Variants in USP9X observed in about 807,000 individuals in gnomAD.
The protein encoded by USP9X is ubiquitin specific peptidase 9 X-linked.
Under a neutral mutation model 190.3 loss-of-function variants are expected in USP9X, and 7 were observed. The observed-to-expected ratio is 0.04, with a 90% CI of 0.02 to 0.07. The LOEUF (loss-of-function observed/expected upper bound fraction) is 0.07, where lower values mean the gene tolerates loss of function less well. USP9X is among the 10% of genes least tolerant of loss of function. The pLI, the probability that USP9X is intolerant of heterozygous loss-of-function variation, is 1.00. For synonymous variants in USP9X, 645 were observed against 659.5 expected (o/e 0.98, Z 0.34); for missense variants, 1,010 against 1,916.9 (o/e 0.53, Z 8.83).
rs1038323425 is a variant in USP9X at position 41,184,372 on chromosome X, C to T, written c.3280-25C>T. 9 of 1,190,190 alleles carry T rather than the reference C, an allele frequency of 7.6e-6. No homozygotes were observed. In the African/African-American group the frequency reaches 1.2e-4, roughly 16 times the overall value. ...TTTTTAAATCTTTTAATACAGCCCT[C>T]TCCCCCTCTTCTCTATTTTTCCAGG... On this transcript the variant is annotated intron_variant, in intron 22 of 44. Transcript: ENST00000378308.
chrX:41,216,791 C>T (rs2063216072), intron 35 of USP9X, 139 bp downstream of exon 35: 1 of 757,551 alleles, frequency 1.3e-6, no homozygotes, highest in African/African-American at 2.1e-5. Flanking sequence ...GCCTGTAATC[C>T]CAGCACTTTG....
At chrX:41,207,779 C>T (rs1727856834) in intron 32 of USP9X, among the ~76,000 whole-genome samples, 1 of 110,859 alleles carries the variant, frequency 9.0e-6, no homozygotes, top group South Asian at 3.8e-4. Context: ...TCTGACAAAG[C>T]AGTATAAATT....
chrX:41,131,446 A>G lies in USP9X; in HGVS notation c.243-11A>G, dbSNP rs748065418. ...ACCATTAAGCATGTTTTTGTTTGGT[A>G]AAACTTTTAGGCCTCGATGGGTGGT... On this transcript the variant is annotated splice_polypyrimidine_tract_variant and intron_variant, in intron 3 of 44. Coordinates refer to ENST00000378308, the MANE Select transcript of USP9X (RefSeq NM_001039591.3). The G allele has an allele frequency of 8.3e-7, 1 of 1,203,989 alleles. No individual in the cohort carries two copies. Among genetic ancestry groups the G allele is most frequent in the Non-Finnish European group, 1.1e-6 (1 of 891,761 alleles).
At chrX:41,170,257 A>C in intron 19 of USP9X, 22 bp downstream of exon 19, 3 of 1,188,214 alleles carry the variant, frequency 2.5e-6, no homozygotes, top group Non-Finnish European at 3.4e-6. Flanking sequence ...TAGTTAACAG[A>C]TTTTTCAATA....
intron 34 of USP9X, among the ~76,000 whole-genome samples, 189 bp downstream of exon 34, chrX:41,214,898 A>G (rs1187623811): frequency 1.8e-5 from 2 of 112,358 alleles, no homozygotes; most frequent in Non-Finnish European, 3.8e-5. Context: ...AGTAGTGCCA[A>G]AGGGGCTAGG....
intron 19 of USP9X, 35 bp downstream of exon 19, chrX:41,170,270 A>G: frequency 8.5e-7 from 1 of 1,174,060 alleles, no homozygotes; most frequent in Non-Finnish European, 1.2e-6. Flanking sequence ...TTTCAATAAA[A>G]TCAAACCAGA....
intron 1 of USP9X, among the ~76,000 whole-genome samples, chrX:41,087,930 G>T (rs898903246): frequency 1.8e-5 from 2 of 112,114 alleles, no homozygotes; most frequent in African/African-American, 6.5e-5. Context: ...TTGAAGGGCA[G>T]ATTTTACCTT....
chrX:41,154,584 G>T (rs1208426372), intron 14 of USP9X, among the ~76,000 whole-genome samples: 1 of 111,635 alleles, frequency 9.0e-6, no homozygotes, highest in African/African-American at 3.3e-5. Context: ...TTGAGTTACC[G>T]CCTCATCTCA....
chrX:41,099,367 A>C (rs144173505), intron 1 of USP9X, among the ~76,000 whole-genome samples: 6 of 110,731 alleles, frequency 5.4e-5, no homozygotes, highest in African/African-American at 2.0e-4. Flanking sequence ...TATAGGATAC[A>C]TATGTGTTTA....
At chrX:41,230,805 C>T (rs975896798) in intron 44 of USP9X, among the ~76,000 whole-genome samples, 1 of 111,398 alleles carries the variant, frequency 9.0e-6, no homozygotes, top group Non-Finnish European at 1.9e-5. Flanking sequence ...TTTTCCTTGT[C>T]AAGAAGGTGT....
At chrX:41,108,847 T>C (rs920426612) in intron 1 of USP9X, among the ~76,000 whole-genome samples, 2 of 111,461 alleles carry the variant, frequency 1.8e-5, no homozygotes, top group Non-Finnish European at 3.8e-5. Context: ...CACGCTTTTC[T>C]TGACTTGCTG....
intron 32 of USP9X, among the ~76,000 whole-genome samples, chrX:41,207,365 G>A (rs1349051067): frequency 9.0e-6 from 1 of 111,039 alleles, no homozygotes; most frequent in Admixed American, 9.6e-5. Flanking sequence ...GATTACAGGC[G>A]TGAGCCACTG....
intron 20 of USP9X, 95 bp from the exon 21 acceptor site, chrX:41,171,743 A>G: frequency 9.9e-7 from 1 of 1,007,590 alleles, no homozygotes; most frequent in South Asian, 2.0e-5. Context: ...TCATAAGTAA[A>G]AGTATAGGGA....
At position 41,149,636 on chromosome X, in the gene USP9X, A is replaced by T. The variant is rs1468597563; in HGVS notation, c.1626+1061A>T. 2.7e-5 allele frequency among the ~76,000 whole-genome samples: 3 copies of T among 110,688 alleles called. No homozygotes were observed. The East Asian group carries it at 8.5e-4, about 31-fold the overall frequency. On this transcript the variant is annotated intron_variant, in intron 12 of 44. Coordinates refer to ENST00000378308, the MANE Select transcript of USP9X (RefSeq NM_001039591.3). ...TTCTTCTCGGAAATAGTGAAAAAGGATACAAAGAGGTACCCACAAGGACAT... is the reference window on the plus strand; with the variant it reads ...TTCTTCTCGGAAATAGTGAAAAAGGTTACAAAGAGGTACCCACAAGGACAT...
chrX:41,201,113 C>A lies in USP9X; in HGVS notation c.4657C>A (p.Pro1553Thr), dbSNP rs375616476. 6 of 1,209,884 alleles carry A rather than the reference C, an allele frequency of 5.0e-6. No homozygotes were observed. Among genetic ancestry groups the A allele is most frequent in the Non-Finnish European group, 6.7e-6 (6 of 895,297 alleles). The change falls in exon 31 of 45, where the codon CCC (proline) becomes ACC (threonine). Residue 1553 changes from proline (P) to threonine (T), a missense_variant. Pro to Thr is a conservative substitution (Grantham distance 38). Around this residue, in one of 11 missense-constraint regions of USP9X, gnomAD observed 120 missense variants for 342.7 expected, o/e 0.35. Coordinates refer to ENST00000378308, the MANE Select transcript of USP9X (RefSeq NM_001039591.3). ...TCTGCCACCTGTTGGACCCCGCCCA[C>A]CCAAAGGATTCGTGGGGCTGAAAAA... ...EYLPPVGPRP[P>T]KGFVGLKNAG...
chrX:41,132,455 C>G (rs188980143), intron 4 of USP9X, among the ~76,000 whole-genome samples: 1 of 109,591 alleles, frequency 9.1e-6, no homozygotes, highest in East Asian at 2.8e-4. Context: ...AGGCGCCCAC[C>G]ACCATGCCCG....
At chrX:41,171,344 T>C (rs1291753853) in intron 20 of USP9X, among the ~76,000 whole-genome samples, 2 of 111,619 alleles carry the variant, frequency 1.8e-5, no homozygotes, top group African/African-American at 3.3e-5. Context: ...TCTAAAAATA[T>C]AAATAAATGA....
intron 26 of USP9X, among the ~76,000 whole-genome samples, chrX:41,193,392 G>A (rs1200367441): frequency 1.8e-5 from 2 of 111,957 alleles, no homozygotes; most frequent in South Asian, 3.7e-4. Context: ...GCATGCAGTG[G>A]TGGCTCATGG....
intron 32 of USP9X, among the ~76,000 whole-genome samples, chrX:41,208,635 A>G (rs983414648): frequency 9.0e-6 from 1 of 110,939 alleles, no homozygotes. Flanking sequence ...ACATTTTGCC[A>G]TATTTGCTTA....
Sources: allele counts gnomAD v4.1 joint callset (sites outside exome capture counted in the v4.1 genomes callset), GRCh38; gene constraint gnomAD v4.1.1; regional missense constraint gnomAD v4.1.1; transcripts MANE v1.5; gene names NCBI Gene and HGNC (gene_info 2026-07-23, HGNC 2026-07-21).